The following ANKMY1 variants were observed in gnomAD, a reference collection of about 807,000 sequenced individuals.
The protein encoded by ANKMY1 is ankyrin repeat and MYND domain-containing protein 1.
ANKMY1 carries 98 observed loss-of-function variants against 102.0 expected under a neutral mutation model. The observed-to-expected ratio is 0.96, with a 90% confidence interval of 0.82 to 1.14. The LOEUF is 1.14. Among genes scored for constraint, ANKMY1 ranks in the 50% most tolerant of loss-of-function variants. ANKMY1 has a pLI of 0.00. For missense variants in ANKMY1, 1,330 were observed against 1,347.6 expected (o/e 0.99, Z 0.20); for synonymous variants, 582 against 559.9 (o/e 1.04, Z -0.56).
intron 15 of ANKMY1, among the ~76,000 whole-genome samples, chr2:240,494,670 C>T (rs939567109): frequency 2.0e-5 from 3 of 152,072 alleles, no homozygotes; most frequent in Non-Finnish European, 4.4e-5. Context: ...GGGTGTGGAA[C>T]CCAGTGCAAC....
chr2:240,534,622 A>C (rs1355156430), intron 4 of ANKMY1, among the ~76,000 whole-genome samples: 3 of 152,202 alleles, frequency 2.0e-5, no homozygotes, highest in Non-Finnish European at 4.4e-5. Flanking sequence ...ACTTCATCAT[A>C]ATAATAGATT....
rs781140303 is a variant in ANKMY1 at position 240,554,908 on chromosome 2, G to A, written c.294C>T (p.Asn98=). 1.2e-6 allele frequency: 2 copies of A among 1,614,006 alleles called. No homozygotes were observed. Among genetic ancestry groups the A allele is most frequent in the African/African-American group, 2.7e-5 (2 of 74,920 alleles). ...AGAATTTGCCATATCCAAGCTTCAT[G>A]TTCAACCCAAACTCCCCCTGGTACA... is the stretch of plus-strand genomic sequence containing the variant. ...GCMYQGEFGL[N]MKLGYGKFSW... is the part of the protein sequence containing the mutation. The change falls in exon 3 of 18, where the codon AAC becomes AAT. Residue 98 remains asparagine (N), a synonymous_variant. Transcript: ENST00000401804.
chr2:240,485,189 G>A (rs1294764020), intron 15 of ANKMY1, among the ~76,000 whole-genome samples: 6 of 152,258 alleles, frequency 3.9e-5, no homozygotes, highest in Admixed American at 3.3e-4. Flanking sequence ...TTAGCCAGGT[G>A]TGGTGGCATG....
chr2:240,558,039 C>G (rs1237002675), upstream of ANKMY1: 4 of 944,334 alleles, frequency 4.2e-6, no homozygotes, highest in Non-Finnish European at 5.0e-6. Context: ...CCCGCTGCCA[C>G]TCTCCGGCTC....
intron 5 of ANKMY1, chr2:240,526,663 A>C: frequency 7.0e-7 from 1 of 1,430,710 alleles, no homozygotes; most frequent in Non-Finnish European, 9.1e-7. Context: ...CTGGAGGTCA[A>C]GATGCTTGGG....
Position 240,523,939 on chromosome 2 carries a change from C to G in ANKMY1, c.1778G>C (p.Cys593Ser), listed in dbSNP as rs773806145. The G allele has an allele frequency of 1.5e-5, 25 of 1,613,666 alleles. No homozygotes were observed. In the East Asian group the frequency reaches 5.6e-4, roughly 36 times the overall value. The change falls in exon 8 of 18, where the codon TGC becomes TCC. Residue 593 changes from cysteine to serine, a missense_variant. Coordinates refer to ENST00000401804, the MANE Select transcript of ANKMY1 (RefSeq NM_001282771.3). ...GGTCCCTTTGTCGAAGCTGCTGGTGCACGGTGAGGGCGAGGCCATCTTCAG... is the reference window on the plus strand; with the variant it reads ...GGTCCCTTTGTCGAAGCTGCTGGTGGACGGTGAGGGCGAGGCCATCTTCAG... ...SLLKMASPSPCTSSFDKGTMR... is the reference protein window; with the variant it reads ...SLLKMASPSPSTSSFDKGTMR...
rs2079389368 is a variant in ANKMY1, at chr2:240,507,914, T to G, written c.2395-223A>C. 7.0e-6 allele frequency: 3 copies of G among 429,726 alleles called. No individual in the cohort carries two copies. The South Asian group carries it at 1.8e-4, about 26-fold the overall frequency. 26.6% of individuals were successfully genotyped at this position (429,726 alleles called of 1,614,324 possible). A position where few individuals can be genotyped will look rare whatever the true frequency, so the allele number is the denominator to read the frequency against. The stretch of plus-strand genomic sequence containing the variant: ...GGGAGGGGTCCCATGGCTGGTCTGT[T>G]AGGGAGGAGCTGGAACTCCACCCAG... On this transcript the variant is annotated intron_variant, in intron 12 of 17. Transcript: ENST00000401804.
chr2:240,536,281 CT>C (rs539958443), intron 4 of ANKMY1, among the ~76,000 whole-genome samples: 8 of 151,398 alleles, frequency 5.3e-5, no homozygotes, highest in Non-Finnish European at 8.8e-5. Context: ...AAAGAAAATT[CT>C]TTTTTTTTCT....
intron 2 of ANKMY1, among the ~76,000 whole-genome samples, chr2:240,556,800 G>A (rs1016518361): frequency 1.3e-5 from 2 of 152,172 alleles, no homozygotes; most frequent in African/African-American, 2.4e-5. Flanking sequence ...CACAAACAGG[G>A]ACAAGCACGA....
intron 13 of ANKMY1, among the ~76,000 whole-genome samples, chr2:240,504,904 T>G (rs925368076): frequency 1.3e-5 from 2 of 151,900 alleles, no homozygotes; most frequent in Admixed American, 1.3e-4. Flanking sequence ...CAAGAATCAC[T>G]TGAACCCGGG....
chr2:240,537,089 G>C (rs1156663653), intron 4 of ANKMY1, among the ~76,000 whole-genome samples: 1 of 152,136 alleles, frequency 6.6e-6, no homozygotes, highest in African/African-American at 2.4e-5. Context: ...AGCACAGCAA[G>C]AAAAACTGTA....
At chr2:240,479,388 G>C, downstream of ANKMY1, 1 of 616,914 alleles carries the variant, frequency 1.6e-6, no homozygotes, top group Non-Finnish European at 2.8e-6. Flanking sequence ...AAAAGCTCTG[G>C]GACTTTGCCC....
chr2:240,504,530 T>C (rs574214741), intron 13 of ANKMY1, among the ~76,000 whole-genome samples: 1 of 152,108 alleles, frequency 6.6e-6, no homozygotes, highest in East Asian at 1.9e-4. Flanking sequence ...ACATACCCGA[T>C]AAGGGATTAA....
At chr2:240,484,470 T>C (rs1326338504) in intron 15 of ANKMY1, among the ~76,000 whole-genome samples, 2 of 152,200 alleles carry the variant, frequency 1.3e-5, no homozygotes, top group Non-Finnish European at 2.9e-5. Flanking sequence ...CCCTATTTAA[T>C]AAATGGTGTT....
chr2:240,552,259 G>C (rs1365471480), intron 4 of ANKMY1, among the ~76,000 whole-genome samples: 1 of 152,170 alleles, frequency 6.6e-6, no homozygotes, highest in Non-Finnish European at 1.5e-5. Flanking sequence ...TGGTGTTTCA[G>C]TAACAGCCAC....
chr2:240,478,540 G>A (rs1260229517), downstream of ANKMY1, among the ~76,000 whole-genome samples: 2 of 152,102 alleles, frequency 1.3e-5, no homozygotes, highest in Non-Finnish European at 2.9e-5. Context: ...CCTGTGGCTG[G>A]TGACCAGCCG....
chr2:240,498,897 C>T (rs189281607), intron 15 of ANKMY1, among the ~76,000 whole-genome samples: 7 of 152,256 alleles, frequency 4.6e-5, no homozygotes, highest in Admixed American at 6.5e-5. Flanking sequence ...GGCTCCCCTT[C>T]GCCCTCCACT....
chr2:240,494,678 A>C (rs1273466890), intron 15 of ANKMY1, among the ~76,000 whole-genome samples: 1 of 152,114 alleles, frequency 6.6e-6, no homozygotes, highest in East Asian at 1.9e-4. Context: ...AACCCAGTGC[A>C]ACCTTCCTTC....
At chr2:240,544,936 G>T (rs1484490408) in intron 4 of ANKMY1, among the ~76,000 whole-genome samples, 1 of 152,202 alleles carries the variant, frequency 6.6e-6, no homozygotes, top group Non-Finnish European at 1.5e-5. Flanking sequence ...TGGGGGAGGG[G>T]CGCCCGCCAT....
Sources: gnomAD v4.1 joint callset for allele counts (sites outside exome capture counted in the v4.1 genomes callset) on GRCh38, gnomAD v4.1.1 for gene constraint, MANE v1.5 for transcripts, NCBI Gene and HGNC (gene_info 2026-07-23, HGNC 2026-07-21) for gene names.